Variants in WDR43 observed in about 807,000 individuals in gnomAD.
The protein encoded by WDR43 is WD repeat-containing protein 43.
In WDR43, 13 loss-of-function variants were observed where a neutral mutation model predicts 91.4. The observed-to-expected ratio is 0.14, with a 90% CI of 0.09 to 0.23. WDR43 has a LOEUF of 0.23. Among genes scored for constraint, WDR43 ranks in the 10% least tolerant of loss-of-function variants. The pLI, the probability that WDR43 is intolerant of heterozygous loss-of-function variation, is 1.00. For synonymous variants in WDR43, 331 were observed against 287.9 expected (o/e 1.15, Z -1.51); for missense variants, 780 against 809.4 (o/e 0.96, Z 0.44).
chr2:28,938,143 C>T (rs1225270226), intron 14 of WDR43, 149 bp downstream of exon 14: 8 of 815,496 alleles, frequency 9.8e-6, no homozygotes, highest in East Asian at 5.5e-5. Flanking sequence ...TGTTTTACCC[C>T]GGGTGCAATG....
rs753971713 is a variant in WDR43 at position 28,946,806 on chromosome 2, A to C, written c.*27A>C. The C allele has an allele frequency of 5.2e-6, 8 of 1,545,738 alleles. No homozygotes were observed. The highest frequency in any genetic ancestry group is 6.1e-6 in the Non-Finnish European group (7 of 1,149,440). The stretch of plus-strand genomic sequence containing the variant: ...GACAGCAAAGCAAGCCGGTCAAACT[A>C]TATAAACTCTGGCTCACCTTGCCCA... On this transcript the variant is annotated 3_prime_UTR_variant, in exon 18 of 18. Transcript: ENST00000407426.
intron 14 of WDR43, among the ~76,000 whole-genome samples, chr2:28,938,984 G>T (rs1182037385): frequency 3.3e-5 from 5 of 150,882 alleles, no homozygotes; most frequent in Non-Finnish European, 7.4e-5. Context: ...GGTGAGGGGG[G>T]TTTTGGGAGG....
chr2:28,908,625 C>T (rs778827378), intron 3 of WDR43, among the ~76,000 whole-genome samples: 1 of 152,168 alleles, frequency 6.6e-6, no homozygotes, highest in Non-Finnish European at 1.5e-5. Context: ...CCCCACTTTG[C>T]TGTTTTGAAG....
At chr2:28,895,052 C>T (rs1445303206) in intron 1 of WDR43, 129 bp downstream of exon 1, 5 of 975,518 alleles carry the variant, frequency 5.1e-6, no homozygotes, top group Non-Finnish European at 2.7e-6. Context: ...TTGGAGGCGG[C>T]GTCGGCGCGT....
At chr2:28,925,323 C>A (rs1671107585) in intron 8 of WDR43, among the ~76,000 whole-genome samples, 170 bp downstream of exon 8, 1 of 152,054 alleles carries the variant, frequency 6.6e-6, no homozygotes, top group Non-Finnish European at 1.5e-5. Flanking sequence ...CTATATCCAA[C>A]ATAATTTAAC....
At chr2:28,903,654 C>T (rs1670618132) in intron 2 of WDR43, among the ~76,000 whole-genome samples, 2 of 152,206 alleles carry the variant, frequency 1.3e-5, no homozygotes, top group Admixed American at 1.3e-4. Flanking sequence ...TTCCCCCCTC[C>T]TCCAAGTCGA....
At chr2:28,914,837 G>A (rs1313596414) in intron 5 of WDR43, among the ~76,000 whole-genome samples, 1 of 152,166 alleles carries the variant, frequency 6.6e-6, no homozygotes, top group African/African-American at 2.4e-5. Context: ...GCTGAGGCAG[G>A]AGAATTGCTT....
intron 12 of WDR43, 43 bp from the exon 13 acceptor site, chr2:28,936,879 G>A (rs1420846901): frequency 6.5e-7 from 1 of 1,529,712 alleles, no homozygotes; most frequent in South Asian, 1.2e-5. Flanking sequence ...AGCATTGGTT[G>A]CCTCTGAAGT....
At position 28,938,007 on chromosome 2, in the gene WDR43, A is replaced by G. The variant is rs1221567994; in HGVS notation, c.1620+13A>G. The G allele has an allele frequency of 6.2e-7, 1 of 1,611,526 alleles. No homozygotes were observed. The highest frequency in any genetic ancestry group is 8.5e-7 in the Non-Finnish European group (1 of 1,178,078). On this transcript the variant is annotated intron_variant, in intron 14 of 17. Coordinates refer to ENST00000407426, the MANE Select transcript of WDR43 (RefSeq NM_015131.3). ...ATACCTGTCCACGGTGAGTCTTTTC[A>G]GCTTCTGTTGCCGAGTATGAATAGT...
At chr2:28,937,798 G>T in intron 13 of WDR43, 133 bp from the exon 14 acceptor site, 1 of 794,172 alleles carries the variant, frequency 1.3e-6, no homozygotes. Context: ...TATACACAGT[G>T]ATATATTTAT....
At chr2:28,923,813 CAGA>C (rs951253175) in intron 7 of WDR43, among the ~76,000 whole-genome samples, 13 of 152,060 alleles carry the variant, frequency 8.5e-5, no homozygotes, top group South Asian at 4.2e-4. Context: ...AATTGAGACT[CAGA>C]AGAAGTGGGA....
At chr2:28,920,156 G>A (rs1670994181) in intron 6 of WDR43, among the ~76,000 whole-genome samples, 1 of 149,416 alleles carries the variant, frequency 6.7e-6, no homozygotes, top group African/African-American at 2.5e-5. Context: ...CCCTGTGACT[G>A]TAAAATAAAG....
intron 3 of WDR43, among the ~76,000 whole-genome samples, chr2:28,911,947 A>G (rs564665373): frequency 1.3e-5 from 2 of 152,326 alleles, no homozygotes; most frequent in South Asian, 4.1e-4. Context: ...CTTATAAGTG[A>G]ATAGCCAAGT....
intron 14 of WDR43, among the ~76,000 whole-genome samples, chr2:28,939,881 G>C (rs2148199179): frequency 6.6e-6 from 1 of 152,246 alleles, no homozygotes; most frequent in South Asian, 2.1e-4. Flanking sequence ...GCTGAGGCGG[G>C]TGGATCATGA....
Position 28,946,650 on chromosome 2 carries a change from C to T in WDR43, c.1905C>T (p.Asp635=), listed in dbSNP as rs61746910. Residue 635 remains aspartate (D), a synonymous_variant, in exon 18 of 18, where the codon GAC becomes GAT. Transcript: ENST00000407426. ...AGAGTGAAAGTGAAAAAGATGAGGA[C>T]GTTGAAGAGGAAGATGAGGATGCCG... is the stretch of plus-strand genomic sequence containing the variant. ...EEESESEKDE[D]VEEEDEDAEG... is the part of the protein sequence containing the mutation. 879 of 1,557,154 alleles carry T rather than the reference C, an allele frequency of 5.6e-4. 6 individuals are homozygous for T. In the African/African-American group the frequency reaches 0.011, roughly 19 times the overall value.
chr2:28,925,392 A>G (rs1671109275), intron 8 of WDR43, among the ~76,000 whole-genome samples: 2 of 152,134 alleles, frequency 1.3e-5, no homozygotes, highest in African/African-American at 4.8e-5. Flanking sequence ...CCTTGGTACT[A>G]TGTTTTAAAA....
chr2:28,918,632 G>C (rs932606912), intron 6 of WDR43, among the ~76,000 whole-genome samples: 1 of 152,080 alleles, frequency 6.6e-6, no homozygotes, highest in African/African-American at 2.4e-5. Flanking sequence ...GCCTCCCAAA[G>C]TGCTGGGATT....
Position 28,946,607 on chromosome 2 carries a change from G to A in WDR43, c.1862G>A (p.Trp621Ter). 6.4e-7 allele frequency: 1 copy of A among 1,559,446 alleles called. No homozygotes were observed. The highest frequency in any genetic ancestry group is 8.7e-7 in the Non-Finnish European group (1 of 1,150,894). ...EIADKDSEDN[W>*]DEDEEESESE... ...TGTTGGTATTTCGACTAGGATAATT[G>A]GGATGAAGATGAGGAGGAGAGTGAA... Residue 621 changes from tryptophan to a stop codon, truncating the protein, a stop_gained, in exon 18 of 18, where the codon TGG (tryptophan) becomes TAG (stop). Transcript: ENST00000407426. LOFTEE classifies it high-confidence loss of function.
chr2:28,913,928 AGAATT>A lies in WDR43; in HGVS notation c.607-132_607-128del, dbSNP rs781307146. On this transcript the variant is annotated intron_variant, in intron 4 of 17. Transcript: ENST00000407426. ...ATAGCACAAATAACCTTATTTGCTT[AGAATT>A]GAATTGAACAGTTACTTCATCGTGG... 5.9e-5 allele frequency: 57 copies of A among 970,830 alleles called. No individual in the cohort carries two copies. The South Asian group carries it at 8.1e-4, about 14-fold the overall frequency. 60.1% of individuals were successfully genotyped at this position (970,830 alleles called of 1,614,324 possible).
Sources: gnomAD v4.1 joint callset for allele counts (sites outside exome capture counted in the v4.1 genomes callset) on GRCh38, gnomAD v4.1.1 for gene constraint, MANE v1.5 for transcripts, NCBI Gene and HGNC (gene_info 2026-07-23, HGNC 2026-07-21) for gene names.